SLC4A4: variants seen among roughly 807,000 people sequenced by gnomAD.
SLC4A4 encodes solute carrier family 4 member 4, also known as electrogenic sodium bicarbonate cotransporter 1.
SLC4A4 carries 27 observed loss-of-function variants against 111.5 expected under a neutral mutation model. The observed-to-expected ratio is 0.24, with a 90% confidence interval of 0.18 to 0.33. The LOEUF is 0.33. Ranked by LOEUF, SLC4A4 falls within the 10% of genes least tolerant of loss-of-function variation. The pLI is 1.00. For synonymous variants in SLC4A4, 443 were observed against 463.4 expected (o/e 0.96, Z 0.57); for missense variants, 909 against 1,315.5 (o/e 0.69, Z 4.78).
chr4:71,544,542 C>T lies in SLC4A4; in HGVS notation c.2443-1808C>T, dbSNP rs115631762. On this transcript the variant is annotated intron_variant, in intron 18 of 25. Transcript: ENST00000264485. ...AGGGAGAAAATTCTGTAGGCTCCACCTTAAGGTATAGCCAGAACCCAACCG... is the reference window on the plus strand; with the variant it reads ...AGGGAGAAAATTCTGTAGGCTCCACTTTAAGGTATAGCCAGAACCCAACCG... 3.2e-3 allele frequency among the ~76,000 whole-genome samples: 487 copies of T among 152,140 alleles called. 2 individuals are homozygous for T. Among genetic ancestry groups the T allele is most frequent in the African/African-American group, 0.011 (476 of 41,534 alleles).
At chr4:71,413,879 G>T (rs1721609139) in intron 7 of SLC4A4, among the ~76,000 whole-genome samples, 1 of 152,048 alleles carries the variant, frequency 6.6e-6, no homozygotes, top group Non-Finnish European at 1.5e-5. Context: ...CCACTGTGGT[G>T]GTCTGTGCAT....
At chr4:71,290,281 A>G (rs1578763424) in intron 3 of SLC4A4, among the ~76,000 whole-genome samples, 1 of 152,124 alleles carries the variant, frequency 6.6e-6, no homozygotes, top group East Asian at 1.9e-4. Context: ...TTGAGGGAGA[A>G]ATGCAGAAAG....
intron 2 of SLC4A4, among the ~76,000 whole-genome samples, chr4:71,254,478 G>C (rs1392653589): frequency 6.6e-6 from 1 of 151,896 alleles, no homozygotes; most frequent in Non-Finnish European, 1.5e-5. Flanking sequence ...GCAACAACCA[G>C]TTTTTAGAAA....
At chr4:71,129,592 C>T (rs1363747070) in intron 2 of SLC4A4, among the ~76,000 whole-genome samples, 4 of 151,936 alleles carry the variant, frequency 2.6e-5, no homozygotes, top group Non-Finnish European at 4.4e-5. Context: ...CATTACCATT[C>T]GACCCAGTAA....
intron 1 of SLC4A4, among the ~76,000 whole-genome samples, chr4:71,207,591 C>G (rs1578595613): frequency 6.6e-6 from 1 of 152,154 alleles, no homozygotes; most frequent in East Asian, 1.9e-4. Flanking sequence ...AATCAGATAG[C>G]CTTAGATGAT....
intron 1 of SLC4A4, among the ~76,000 whole-genome samples, chr4:71,078,347 C>T (rs1741902149): frequency 6.6e-6 from 1 of 151,876 alleles, no homozygotes; most frequent in African/African-American, 2.4e-5. Context: ...AGTACATAGC[C>T]TTTTTAGGAA....
At chr4:71,267,078 C>T (rs989362154) in intron 3 of SLC4A4, among the ~76,000 whole-genome samples, 3 of 152,234 alleles carry the variant, frequency 2.0e-5, no homozygotes, top group African/African-American at 7.2e-5. Flanking sequence ...ACACCATGTA[C>T]CAAGTACTGT....
intron 3 of SLC4A4, among the ~76,000 whole-genome samples, chr4:71,329,168 C>T (rs1246429724): frequency 1.3e-5 from 2 of 151,894 alleles, no homozygotes; most frequent in Non-Finnish European, 2.9e-5. Flanking sequence ...TTATTCTGTT[C>T]CATTGGTTTG....
chr4:71,143,592 A>G (rs1240440560), intron 2 of SLC4A4, among the ~76,000 whole-genome samples: 2 of 152,148 alleles, frequency 1.3e-5, no homozygotes, highest in Non-Finnish European at 2.9e-5. Flanking sequence ...CCATTTCTCC[A>G]CATCCTCTCC....
chr4:71,521,634 C>T (rs746993626), intron 16 of SLC4A4, among the ~76,000 whole-genome samples: 13 of 152,044 alleles, frequency 8.6e-5, no homozygotes, highest in Non-Finnish European at 1.8e-4. Flanking sequence ...AATAAAGGCA[C>T]TATTTATGAA....
chr4:71,463,571 C>T (rs563620503), intron 12 of SLC4A4, among the ~76,000 whole-genome samples: 6 of 152,272 alleles, frequency 3.9e-5, no homozygotes, highest in Admixed American at 3.9e-4. Flanking sequence ...AACTGTAGCA[C>T]TTACCAAAGG....
chr4:71,180,848 C>G (rs887938921), intron 2 of SLC4A4, among the ~76,000 whole-genome samples: 3 of 152,066 alleles, frequency 2.0e-5, no homozygotes, highest in Non-Finnish European at 4.4e-5. Flanking sequence ...CCATTTGACC[C>G]AGCAATCCCA....
At chr4:71,223,339 C>A (rs1482446734) in intron 1 of SLC4A4, among the ~76,000 whole-genome samples, 1 of 151,898 alleles carries the variant, frequency 6.6e-6, no homozygotes, top group East Asian at 1.9e-4. Context: ...CCGCGCCTGT[C>A]TAATTTTTTG....
At chr4:71,111,026 CCA>C (rs1743070919) in intron 2 of SLC4A4, among the ~76,000 whole-genome samples, 1 of 152,152 alleles carries the variant, frequency 6.6e-6, no homozygotes, top group South Asian at 2.1e-4. Context: ...TTGTCAGGTT[CCA>C]GCCACTTGTT....
chr4:71,309,419 T>A (rs1208210828), intron 3 of SLC4A4, among the ~76,000 whole-genome samples: 1 of 152,142 alleles, frequency 6.6e-6, no homozygotes, highest in Non-Finnish European at 1.5e-5. Context: ...CTGACCTGCA[T>A]GCCTCCTGAC....
intron 23 of SLC4A4, among the ~76,000 whole-genome samples, chr4:71,563,003 A>T (rs1334961793): frequency 2.6e-5 from 4 of 151,736 alleles, no homozygotes; most frequent in Admixed American, 2.6e-4. Context: ...TTCAGCCCAA[A>T]CATAGACTTG....
chr4:71,377,794 TG>T (rs1381744674), intron 6 of SLC4A4, among the ~76,000 whole-genome samples: 3 of 152,124 alleles, frequency 2.0e-5, no homozygotes, highest in African/African-American at 7.2e-5. Context: ...ACATCATGTT[TG>T]TGTATATTTC....
rs555557053 is a variant in SLC4A4 at position 71,393,280 on chromosome 4, A to G, written c.731-4297A>G. ...CATTGAAAACCCTGAAGACTCCTCC[A>G]GAAAGCTCCTAGAACTAACAAAAGA... On this transcript the variant is annotated intron_variant, in intron 6 of 25. Coordinates refer to ENST00000264485, the MANE Select transcript of SLC4A4 (RefSeq NM_001098484.3). Among the ~76,000 whole-genome samples, 111 of 152,270 alleles carry G rather than the reference A, an allele frequency of 7.3e-4. 1 individual carries two copies. The highest frequency in any genetic ancestry group is 2.6e-3 in the African/African-American group (109 of 41,556).
chr4:71,314,898 G>A (rs1314963165), intron 3 of SLC4A4, among the ~76,000 whole-genome samples: 3 of 151,930 alleles, frequency 2.0e-5, no homozygotes, highest in Non-Finnish European at 4.4e-5. Flanking sequence ...CAAACCTGAT[G>A]TTCAGCACAT....
Sources: allele counts gnomAD v4.1 joint callset (sites outside exome capture counted in the v4.1 genomes callset), GRCh38; gene constraint gnomAD v4.1.1; transcripts MANE v1.5; gene names NCBI Gene and HGNC (gene_info 2026-07-23, HGNC 2026-07-21).